The following NECTIN2 variants were observed in gnomAD, a reference collection of about 807,000 sequenced individuals.
NECTIN2 encodes nectin cell adhesion molecule 2.
Under a neutral mutation model 56.9 loss-of-function variants are expected in NECTIN2, and 23 were observed. The observed-to-expected ratio is 0.40, with a 90% CI of 0.29 to 0.57. The LOEUF is 0.57. Among genes scored for constraint, NECTIN2 ranks in the 20% least tolerant of loss-of-function variants. NECTIN2 has a pLI of 0.38. For synonymous variants in NECTIN2, 302 were observed against 313.8 expected, an observed-to-expected ratio of 0.96 and a Z score of 0.40; for missense variants, 587 against 718.3, an observed-to-expected ratio of 0.82 and a Z score of 2.09.
chr19:44,854,644 C>G (rs1474377780), intron 1 of NECTIN2, among the ~76,000 whole-genome samples: 1 of 151,836 alleles, frequency 6.6e-6, no homozygotes, highest in African/African-American at 2.4e-5. Flanking sequence ...GAAACCCCAT[C>G]TCTACTAAAA....
chr19:44,856,820 G>C (rs929537701), intron 1 of NECTIN2, among the ~76,000 whole-genome samples: 6 of 152,194 alleles, frequency 3.9e-5, no homozygotes, highest in African/African-American at 1.4e-4. Context: ...TGGAGCTTTA[G>C]ACAGCAATCT....
At chr19:44,885,601 T>C (rs1969352462) in intron 6 of NECTIN2, among the ~76,000 whole-genome samples, 1 of 152,072 alleles carries the variant, frequency 6.6e-6, no homozygotes, top group African/African-American at 2.4e-5. Context: ...CGTGAGCCAC[T>C]GCCCCCAGCC....
rs2122694014 is a variant in NECTIN2 at position 44,875,665 on chromosome 19, GTAGGGACAA to G, written c.1042+1188_1042+1196del. 6.6e-6 allele frequency among the ~76,000 whole-genome samples: 1 copy of G among 152,342 alleles called. No individual in the cohort carries two copies. Among genetic ancestry groups the G allele is most frequent in the South Asian group, 2.1e-4 (1 of 4,834 alleles). ...GCCCCCCAGAAACATGACTGAAGGTGTAGGGACAAACTCCCAGACAGGGGCTGTCCCTGT... is the reference window on the plus strand; with the variant it reads ...GCCCCCCAGAAACATGACTGAAGGTGACTCCCAGACAGGGGCTGTCCCTGT... On this transcript the variant is annotated intron_variant, in intron 5 of 8. Coordinates refer to ENST00000252483, the MANE Select transcript of NECTIN2 (RefSeq NM_001042724.2). This position sits in a 1 kb window ranked among gnomAD's most constrained non-coding sequence, Gnocchi z 4.2.
intron 1 of NECTIN2, among the ~76,000 whole-genome samples, chr19:44,858,937 C>A (rs1208818683): frequency 6.6e-6 from 1 of 152,212 alleles, no homozygotes; most frequent in Non-Finnish European, 1.5e-5. Flanking sequence ...GCCACCACAC[C>A]TGGCCTTATT....
intron 1 of NECTIN2, among the ~76,000 whole-genome samples, chr19:44,851,094 C>T (rs995818480): frequency 2.0e-5 from 3 of 151,528 alleles, no homozygotes; most frequent in Admixed American, 6.6e-5. Context: ...AGTCCAGGCC[C>T]CAGCCCTCTT....
chr19:44,870,557 G>A (rs1224267751), intron 2 of NECTIN2, among the ~76,000 whole-genome samples: 1 of 150,916 alleles, frequency 6.6e-6, no homozygotes, highest in Non-Finnish European at 1.5e-5. Context: ...GAATGAGGTG[G>A]AAAGGGTATA....
At chr19:44,888,031 T>A in intron 8 of NECTIN2, 79 bp from the exon 9 acceptor site, 3 of 1,493,338 alleles carry the variant, frequency 2.0e-6, no homozygotes, top group Non-Finnish European at 2.7e-6. Flanking sequence ...CGGTCAGGAT[T>A]TTGGGGTCAA....
intron 5 of NECTIN2, among the ~76,000 whole-genome samples, chr19:44,879,799 G>A (rs977201827): frequency 9.2e-5 from 14 of 152,100 alleles, no homozygotes; most frequent in Non-Finnish European, 1.9e-4. Flanking sequence ...GGACATGCCC[G>A]TGATGCCCTC....
intron 1 of NECTIN2, among the ~76,000 whole-genome samples, chr19:44,854,177 C>T (rs1397734448): frequency 6.6e-6 from 1 of 152,054 alleles, no homozygotes; most frequent in African/African-American, 2.4e-5. Flanking sequence ...GCAATCTCAG[C>T]TCACTGCAAC....
chr19:44,856,535 C>G (rs1439815120), intron 1 of NECTIN2, among the ~76,000 whole-genome samples: 3 of 152,232 alleles, frequency 2.0e-5, no homozygotes, highest in African/African-American at 7.2e-5. Flanking sequence ...CGGCCCCAGC[C>G]TACTTTGCTG....
At chr19:44,849,864 T>C (rs2122623815) in intron 1 of NECTIN2, among the ~76,000 whole-genome samples, 1 of 152,286 alleles carries the variant, frequency 6.6e-6, no homozygotes, top group East Asian at 1.9e-4. Flanking sequence ...AATGAAAATG[T>C]TCTATAATTG....
chr19:44,878,577 A>G (rs1969270560), intron 5 of NECTIN2: 1 of 1,612,208 alleles, frequency 6.2e-7, no homozygotes, highest in Admixed American at 1.7e-5. Context: ...ATGGAGTCCC[A>G]GCTGGACGGC....
intron 2 of NECTIN2, among the ~76,000 whole-genome samples, chr19:44,868,776 G>A (rs1969134700): frequency 6.6e-6 from 1 of 151,984 alleles, no homozygotes; most frequent in Admixed American, 6.5e-5. Context: ...AGCCAGGCGT[G>A]GTGGCGGGTG....
chr19:44,857,708 T>TTG (rs1486617846), intron 1 of NECTIN2, among the ~76,000 whole-genome samples: 9 of 148,976 alleles, frequency 6.0e-5, no homozygotes, highest in East Asian at 2.0e-4. Flanking sequence ...GGTTTTTGTT[T>TTG]TTGTTTTTTT....
chr19:44,847,040 A>G (rs927882835), intron 1 of NECTIN2, among the ~76,000 whole-genome samples: 2 of 152,040 alleles, frequency 1.3e-5, no homozygotes, highest in Non-Finnish European at 2.9e-5. Context: ...TACCGCAGTA[A>G]GGTCTCGAGG....
At chr19:44,855,683 A>T (rs763400873) in intron 1 of NECTIN2, among the ~76,000 whole-genome samples, 1 of 152,072 alleles carries the variant, frequency 6.6e-6, no homozygotes, top group Non-Finnish European at 1.5e-5. Flanking sequence ...CTGGATGTCA[A>T]CCCTGGAAAA....
At chr19:44,852,986 C>T (rs1968918934) in intron 1 of NECTIN2, among the ~76,000 whole-genome samples, 1 of 151,928 alleles carries the variant, frequency 6.6e-6, no homozygotes, top group South Asian at 2.1e-4. Flanking sequence ...GTGGTGCCCG[C>T]CTGTAGTCCC....
At chr19:44,885,217 C>CA (rs1156276384) in intron 6 of NECTIN2, among the ~76,000 whole-genome samples, 6 of 151,414 alleles carry the variant, frequency 4.0e-5, no homozygotes, top group African/African-American at 1.2e-4. Flanking sequence ...GCTGGTCTCA[C>CA]ACTCCTGACC....
intron 1 of NECTIN2, among the ~76,000 whole-genome samples, chr19:44,857,705 G>GT (rs752045466): frequency 0.024 from 2,886 of 118,546 alleles, 146 homozygotes; most frequent in African/African-American, 0.088. Context: ...CCGGGTTTTT[G>GT]TTTTTGTTTT....
Sources: allele counts gnomAD v4.1 joint callset (sites outside exome capture counted in the v4.1 genomes callset), GRCh38; gene constraint gnomAD v4.1.1; non-coding constraint Gnocchi (gnomAD v3.1); transcripts MANE v1.5; gene names NCBI Gene and HGNC (gene_info 2026-07-23, HGNC 2026-07-21).